The following CNTN4 variants were observed in gnomAD, a reference collection of about 807,000 sequenced individuals.
CNTN4 encodes contactin-4.
In CNTN4, 77 loss-of-function variants were observed where a neutral mutation model predicts 122.5. The observed-to-expected ratio is 0.63, with a 90% CI of 0.52 to 0.76. The LOEUF is 0.76. Ranked by LOEUF, CNTN4 falls within the 30% of genes least tolerant of loss-of-function variation. CNTN4 has a pLI of 0.00. For synonymous variants in CNTN4, 512 were observed against 447.0 expected, an observed-to-expected ratio of 1.15 and a Z score of -1.83; for missense variants, 1,256 against 1,259.1, an observed-to-expected ratio of 1.00 and a Z score of 0.04.
At chr3:2,698,488 C>A (rs1455699016) in intron 4 of CNTN4, among the ~76,000 whole-genome samples, 1 of 151,958 alleles carries the variant, frequency 6.6e-6, no homozygotes, top group East Asian at 1.9e-4. Context: ...AGGCACTGAG[C>A]CTTGTACTTA....
At chr3:2,391,178 G>A (rs972713423) in intron 3 of CNTN4, among the ~76,000 whole-genome samples, 2 of 152,088 alleles carry the variant, frequency 1.3e-5, no homozygotes, top group African/African-American at 4.8e-5. Context: ...TTATGGGGTT[G>A]GATACTTGCC....
chr3:2,977,650 G>A (rs1451225094), intron 13 of CNTN4, among the ~76,000 whole-genome samples: 1 of 152,142 alleles, frequency 6.6e-6, no homozygotes, highest in Non-Finnish European at 1.5e-5. Context: ...AACCCCTCCT[G>A]CGTATCACTT....
In CNTN4 at chr3:2,571,529, T is replaced by C; in HGVS notation, c.26T>C (p.Val9Ala). The change falls in exon 4 of 25, where the codon GTA becomes GCA. Residue 9 changes from valine to alanine, a missense_variant. Physicochemically the swap from Val to Ala is moderately conservative, Grantham distance 64. Coordinates refer to ENST00000418658, the MANE Select transcript of CNTN4 (RefSeq NM_175607.3). ...ATGAGGTTGCCATGGGAACTGCTGG[T>C]ACTGCAATCATTCATTTTGTGCCTT... MRLPWELLVLQSFILCLAD... is the reference protein window; with the variant it reads MRLPWELLALQSFILCLAD... 2.5e-6 allele frequency: 4 copies of C among 1,613,920 alleles called. No individual in the cohort carries two copies. Among genetic ancestry groups the C allele is most frequent in the Non-Finnish European group, 3.4e-6 (4 of 1,179,750 alleles).
At chr3:2,960,040 A>T (rs1204318387) in intron 13 of CNTN4, among the ~76,000 whole-genome samples, 1 of 151,366 alleles carries the variant, frequency 6.6e-6, no homozygotes, top group East Asian at 1.9e-4. Flanking sequence ...TTAGAAGAAA[A>T]TATTCCAAAA....
intron 3 of CNTN4, among the ~76,000 whole-genome samples, chr3:2,407,184 G>A (rs967085451): frequency 3.3e-5 from 5 of 152,076 alleles, no homozygotes; most frequent in African/African-American, 1.2e-4. Flanking sequence ...ATAAATGTTT[G>A]ATTAATAAGA....
chr3:2,109,015 A>G (rs959213995), intron 2 of CNTN4, among the ~76,000 whole-genome samples: 6 of 152,244 alleles, frequency 3.9e-5, no homozygotes, highest in African/African-American at 1.4e-4. Context: ...AAGTGGGGCA[A>G]GCAAGTCAGT....
At chr3:2,711,708 C>G (rs1478648060) in intron 4 of CNTN4, among the ~76,000 whole-genome samples, 2 of 152,136 alleles carry the variant, frequency 1.3e-5, no homozygotes, top group African/African-American at 4.8e-5. Context: ...GGAGACTTGT[C>G]TAGTCACCCA....
At chr3:2,549,812 G>A (rs2616596) in intron 3 of CNTN4, among the ~76,000 whole-genome samples, 97,115 of 151,894 alleles carry the variant, frequency 0.64, 32,314 homozygotes, top group East Asian at 0.98. Flanking sequence ...GAATTCAGCT[G>A]TGAATCCATC....
At chr3:2,420,214 A>C (rs1225520752) in intron 3 of CNTN4, among the ~76,000 whole-genome samples, 1 of 152,094 alleles carries the variant, frequency 6.6e-6, no homozygotes, top group Non-Finnish European at 1.5e-5. Context: ...CTTTTTCCAA[A>C]AACTGTGGGA....
intron 3 of CNTN4, among the ~76,000 whole-genome samples, chr3:2,506,464 A>G (rs191372972): frequency 3.9e-5 from 6 of 152,376 alleles, no homozygotes; most frequent in Admixed American, 2.0e-4. Flanking sequence ...ATAGAAGTCT[A>G]TAAGGGAAGA....
At chr3:2,172,307 A>G (rs2253931) in intron 2 of CNTN4, among the ~76,000 whole-genome samples, 36,011 of 152,010 alleles carry the variant, frequency 0.24, 4,422 homozygotes, top group African/African-American at 0.3. Flanking sequence ...AGAAATGGAA[A>G]ACCAAACATT....
At chr3:2,693,757 C>T (rs952971853) in intron 4 of CNTN4, among the ~76,000 whole-genome samples, 6 of 152,084 alleles carry the variant, frequency 3.9e-5, no homozygotes, top group African/African-American at 1.4e-4. Flanking sequence ...CAGAGCACAC[C>T]GAGGAACTTG....
At chr3:2,864,815 G>A (rs1165911280) in intron 7 of CNTN4, among the ~76,000 whole-genome samples, 1 of 150,284 alleles carries the variant, frequency 6.7e-6, no homozygotes, top group Non-Finnish European at 1.5e-5. Context: ...GTATTGTGCT[G>A]GTAAATTACA....
intron 2 of CNTN4, among the ~76,000 whole-genome samples, chr3:2,221,192 C>G (rs575017902): frequency 2.6e-5 from 4 of 152,060 alleles, no homozygotes; most frequent in African/African-American, 9.6e-5. Flanking sequence ...TTGATGCATC[C>G]CAGATTTGTG....
chr3:2,177,507 G>A (rs1027671536), intron 2 of CNTN4, among the ~76,000 whole-genome samples: 1 of 152,042 alleles, frequency 6.6e-6, no homozygotes, highest in African/African-American at 2.4e-5. Context: ...TTCTTTAGCA[G>A]GCTATTCAGC....
At chr3:2,275,648 G>A (rs1040790581) in intron 2 of CNTN4, among the ~76,000 whole-genome samples, 11 of 151,862 alleles carry the variant, frequency 7.2e-5, no homozygotes, top group East Asian at 5.8e-4. Flanking sequence ...TTGGCCAGGC[G>A]CGGTGGGTAA....
At chr3:2,437,337 G>A (rs1455666154) in intron 3 of CNTN4, among the ~76,000 whole-genome samples, 1 of 152,008 alleles carries the variant, frequency 6.6e-6, no homozygotes, top group African/African-American at 2.4e-5. Flanking sequence ...TTAAAATACT[G>A]TATAATAAAA....
chr3:2,604,328 C>T (rs957216079), intron 4 of CNTN4, among the ~76,000 whole-genome samples: 2 of 152,020 alleles, frequency 1.3e-5, no homozygotes, highest in Non-Finnish European at 2.9e-5. Flanking sequence ...TCCTAGTCAC[C>T]AGAGGAAAGA....
chr3:3,005,784 C>G (rs1696553386), intron 14 of CNTN4, among the ~76,000 whole-genome samples: 1 of 152,140 alleles, frequency 6.6e-6, no homozygotes, highest in African/African-American at 2.4e-5. Context: ...AAGACCCCAC[C>G]TCCTGATACC....
Sources: allele counts gnomAD v4.1 joint callset (sites outside exome capture counted in the v4.1 genomes callset), GRCh38; gene constraint gnomAD v4.1.1; transcripts MANE v1.5; gene names NCBI Gene and HGNC (gene_info 2026-07-23, HGNC 2026-07-21).